The following SLF2 variants were observed in gnomAD, a reference collection of about 807,000 sequenced individuals.
SLF2 encodes SMC5-SMC6 complex localization factor protein 2.
Under a neutral mutation model 124.3 loss-of-function variants are expected in SLF2, and 68 were observed. The observed-to-expected ratio is 0.55, with a 90% CI of 0.45 to 0.67. The LOEUF (loss-of-function observed/expected upper bound fraction) is 0.67. Among genes scored for constraint, SLF2 ranks in the 30% least tolerant of loss-of-function variants. The pLI is 0.00. For missense variants in SLF2, 1,246 were observed against 1,373.7 expected (o/e 0.91, Z 1.47); for synonymous variants, 480 against 478.8 (o/e 1.00, Z -0.03).
chr10:100,950,429 G>C (rs1850188042), intron 16 of SLF2, among the ~76,000 whole-genome samples: 1 of 152,180 alleles, frequency 6.6e-6, no homozygotes, highest in African/African-American at 2.4e-5. Context: ...TTGGTAATTT[G>C]CTCCCAAGAG....
intron 4 of SLF2, among the ~76,000 whole-genome samples, chr10:100,920,907 C>T (rs1374476223): frequency 6.6e-6 from 1 of 152,158 alleles, no homozygotes; most frequent in African/African-American, 2.4e-5. Context: ...TGAGATGGTG[C>T]CACTGCACTC....
At chr10:100,932,316 G>A (rs1354210455) in intron 9 of SLF2, among the ~76,000 whole-genome samples, 1 of 152,022 alleles carries the variant, frequency 6.6e-6, no homozygotes, top group African/African-American at 2.4e-5. Flanking sequence ...AATCCTAAAT[G>A]TGTGAAAAAT....
chr10:100,945,286 T>A, intron 12 of SLF2, 44 bp from the exon 13 acceptor site: 1 of 1,459,324 alleles, frequency 6.9e-7, no homozygotes, highest in Non-Finnish European at 9.1e-7. Context: ...AAAAGTAAAA[T>A]ATACCTCCTA....
At chr10:100,954,269 T>TA (rs929192486) in intron 17 of SLF2, among the ~76,000 whole-genome samples, 14 of 151,984 alleles carry the variant, frequency 9.2e-5, no homozygotes, top group African/African-American at 2.9e-4. Context: ...AAAAAATATA[T>TA]AAAAAATCAA....
chr10:100,963,714 G>A lies in SLF2; in HGVS notation c.*1802G>A, dbSNP rs1036265882. On this transcript the variant is annotated 3_prime_UTR_variant, in exon 20 of 20. Coordinates refer to ENST00000238961, the MANE Select transcript of SLF2 (RefSeq NM_018121.4). ...CAAAGTATAAAATACTGCTTATATT[G>A]CTTGTAATTTACAGTGTGTAAATAT... 2.6e-5 allele frequency: 4 copies of A among 151,750 alleles called. No homozygotes were observed. The highest frequency in any genetic ancestry group is 9.7e-5 in the African/African-American group (4 of 41,132). 9.4% of individuals were successfully genotyped at this position (151,750 alleles called of 1,614,324 possible). A position where few individuals can be genotyped will look rare whatever the true frequency, so the allele number is the denominator to read the frequency against.
chr10:100,943,976 G>A (rs1251947213), intron 11 of SLF2, 50 bp from the exon 12 acceptor site: 2 of 1,206,612 alleles, frequency 1.7e-6, no homozygotes, highest in Non-Finnish European at 1.2e-6. Flanking sequence ...CTTAAAGTGA[G>A]TTATATATTT....
intron 17 of SLF2, among the ~76,000 whole-genome samples, chr10:100,951,514 T>TG (rs1439924631): frequency 6.6e-6 from 1 of 152,128 alleles, no homozygotes; most frequent in Non-Finnish European, 1.5e-5. Flanking sequence ...GCAACCTCCA[T>TG]GTAACCAAGA....
chr10:100,940,324 C>G (rs1297081546), intron 11 of SLF2, among the ~76,000 whole-genome samples: 1 of 152,080 alleles, frequency 6.6e-6, no homozygotes, highest in Non-Finnish European at 1.5e-5. Flanking sequence ...TAACAAAATG[C>G]CTGTTTAAAC....
At chr10:100,947,330 T>C (rs1339299093) in intron 14 of SLF2, among the ~76,000 whole-genome samples, 194 bp downstream of exon 14, 1 of 144,044 alleles carries the variant, frequency 6.9e-6, no homozygotes, top group East Asian at 2.0e-4. Flanking sequence ...CATTATGTAA[T>C]TTTTTTTTTT....
rs1850137792 is a variant in SLF2 at position 100,948,008 on chromosome 10, T to C, written c.3120+161T>C. Among the ~76,000 whole-genome samples, 5 of 152,182 alleles carry C rather than the reference T, an allele frequency of 3.3e-5. No homozygotes were observed. The South Asian group carries it at 1.0e-3, about 31-fold the overall frequency. On this transcript the variant is annotated intron_variant, in intron 15 of 19. Transcript: ENST00000238961. ...AGCACACTTAACTAACAAGATCCAA[T>C]TTTTTCATCTGTGAAATGGAGATAA...
rs1340854578 is a variant in SLF2 at position 100,937,465 on chromosome 10, A to G, written c.2500A>G (p.Thr834Ala). The change falls in exon 10 of 20, where the codon ACA (threonine) becomes GCA (alanine). Residue 834 changes from threonine (T) to alanine (A), a missense_variant. Coordinates refer to ENST00000238961, the MANE Select transcript of SLF2 (RefSeq NM_018121.4). The stretch of plus-strand genomic sequence containing the variant: ...GATTTTAAGTACATTGATGGAAATA[A>G]CAATTAGAAATGGTAAGTATATCAA... ...VQILSTLMEI[T>A]IRNDTFSDSP... 12 of 1,588,512 alleles carry G rather than the reference A, an allele frequency of 7.6e-6. No homozygotes were observed. Among genetic ancestry groups the G allele is most frequent in the Non-Finnish European group, 1.0e-5 (12 of 1,156,882 alleles).
chr10:100,951,077 C>A (rs113499381), intron 17 of SLF2, among the ~76,000 whole-genome samples: 174 of 152,252 alleles, frequency 1.1e-3, no homozygotes, highest in African/African-American at 3.5e-3. Context: ...CCCATCTCTA[C>A]TAAAAATACA....
intron 5 of SLF2, among the ~76,000 whole-genome samples, chr10:100,925,576 G>T (rs955538784): frequency 1.3e-5 from 2 of 152,168 alleles, no homozygotes; most frequent in African/African-American, 2.4e-5. Flanking sequence ...ATTCTAAGAT[G>T]TCTGTAAAAT....
Position 100,959,436 on chromosome 10 carries a change from C to T in SLF2, c.3426C>T (p.Asp1142=), listed in dbSNP as rs946838397. 3 of 1,606,756 alleles carry T rather than the reference C, an allele frequency of 1.9e-6. No individual in the cohort carries two copies. The highest frequency in any genetic ancestry group is 2.7e-5 in the African/African-American group (2 of 74,450). Reference sequence around the variant, plus strand: ...TTTTTGATATTTTTAAGGTGAAAGACTTGGTCGCCAGGATACATGGAAAAT... The same window carrying T: ...TTTTTGATATTTTTAAGGTGAAAGATTTGGTCGCCAGGATACATGGAAAAT... The part of the protein sequence containing the change: ...ARLFYRTKVK[D]LVARIHGKWQ... The change falls in exon 19 of 20, where the codon GAC becomes GAT. Residue 1142 remains aspartate (D), a synonymous_variant. Transcript: ENST00000238961.
chr10:100,936,626 G>A (rs964638486), intron 9 of SLF2, among the ~76,000 whole-genome samples: 6 of 151,914 alleles, frequency 3.9e-5, no homozygotes, highest in East Asian at 1.9e-4. Context: ...GAGCCACCGC[G>A]TCCAGCCAGT....
chr10:100,913,695 A>G, intron 1 of SLF2: 3 of 999,394 alleles, frequency 3.0e-6, no homozygotes, highest in Non-Finnish European at 2.4e-6. Context: ...ATTACTTTGT[A>G]GTCCAGCGTG....
At chr10:100,919,043 C>T (rs1438768896) in intron 4 of SLF2, among the ~76,000 whole-genome samples, 24 of 123,218 alleles carry the variant, frequency 1.9e-4, no homozygotes, top group East Asian at 5.9e-4. Context: ...GACAGAGTCT[C>T]GCTCTGTCGC....
chr10:100,945,219 T>C, intron 12 of SLF2, 111 bp from the exon 13 acceptor site: 2 of 875,438 alleles, frequency 2.3e-6, no homozygotes, highest in South Asian at 1.9e-5. Flanking sequence ...GGATGTTTGT[T>C]TTCTTTATAG....
chr10:100,928,096 AGAGAGAG>A (rs1849654740), intron 6 of SLF2, among the ~76,000 whole-genome samples: 1 of 137,370 alleles, frequency 7.3e-6, no homozygotes, highest in Non-Finnish European at 1.5e-5. Flanking sequence ...AGAGAGAGAG[AGAGAGAG>A]AAAAGTTGAG....
Sources: allele counts gnomAD v4.1 joint callset (sites outside exome capture counted in the v4.1 genomes callset), GRCh38; gene constraint gnomAD v4.1.1; transcripts MANE v1.5; gene names NCBI Gene and HGNC (gene_info 2026-07-23, HGNC 2026-07-21).